Variants in ATRNL1 observed in about 807,000 individuals in gnomAD.
ATRNL1 encodes the protein attractin-like protein 1.
Under a neutral mutation model 182.7 loss-of-function variants are expected in ATRNL1, and 95 were observed. The ratio of observed to expected loss-of-function variants is 0.52; its 90% CI spans 0.44 to 0.62. The LOEUF (loss-of-function observed/expected upper bound fraction) is 0.62. Ranked by LOEUF, ATRNL1 falls within the 20% of genes least tolerant of loss-of-function variation. The pLI is 0.00. For missense variants in ATRNL1, 1,471 were observed against 1,679.5 expected (o/e 0.88, Z 2.17); for synonymous variants, 576 against 568.3 (o/e 1.01, Z -0.19).
chr10:115,630,521 A>C (rs1858415717), intron 26 of ATRNL1, among the ~76,000 whole-genome samples: 2 of 151,768 alleles, frequency 1.3e-5, no homozygotes, highest in Non-Finnish European at 2.9e-5. Flanking sequence ...TATATATTCA[A>C]AGAAATTGAA....
At chr10:115,844,314 G>A (rs989324077) in intron 27 of ATRNL1, among the ~76,000 whole-genome samples, 10 of 152,164 alleles carry the variant, frequency 6.6e-5, no homozygotes, top group African/African-American at 2.4e-4. Flanking sequence ...TCCCTCACTC[G>A]CCATTGGAGA....
At chr10:115,289,284 T>C (rs1254191936) in intron 15 of ATRNL1, among the ~76,000 whole-genome samples, 1 of 152,186 alleles carries the variant, frequency 6.6e-6, no homozygotes, top group Non-Finnish European at 1.5e-5. Flanking sequence ...TAATTCAAGA[T>C]GAGATATGGA....
intron 6 of ATRNL1, among the ~76,000 whole-genome samples, chr10:115,164,798 A>AT (rs1554883996): frequency 6.6e-6 from 1 of 152,182 alleles, no homozygotes. Flanking sequence ...GGAGAGTAGA[A>AT]TGGTGGCTAC....
chr10:115,356,563 G>T (rs557477441), intron 19 of ATRNL1, among the ~76,000 whole-genome samples: 60 of 152,004 alleles, frequency 3.9e-4, no homozygotes, highest in Non-Finnish European at 7.8e-4. Flanking sequence ...CTTCATTATG[G>T]GTTACTGGAA....
At chr10:115,289,905 C>G (rs1592387478) in intron 15 of ATRNL1, among the ~76,000 whole-genome samples, 1 of 152,008 alleles carries the variant, frequency 6.6e-6, no homozygotes, top group South Asian at 2.1e-4. Flanking sequence ...ATTGCTTTTC[C>G]TATTTCTGTG....
chr10:115,554,360 A>C (rs1341075908), intron 26 of ATRNL1, among the ~76,000 whole-genome samples: 2 of 151,658 alleles, frequency 1.3e-5, no homozygotes, highest in Admixed American at 6.6e-5. Context: ...AAATTTTAAC[A>C]TAAATTTACT....
intron 20 of ATRNL1, among the ~76,000 whole-genome samples, chr10:115,423,352 G>T (rs652059): frequency 0.38 from 57,672 of 151,706 alleles, 12,131 homozygotes; most frequent in African/African-American, 0.56. Flanking sequence ...TGGCCAACAC[G>T]GCAAAACCCT....
At chr10:115,728,312 A>G (rs1284275168) in intron 27 of ATRNL1, among the ~76,000 whole-genome samples, 1 of 149,050 alleles carries the variant, frequency 6.7e-6, no homozygotes, top group African/African-American at 2.4e-5. Context: ...AAAAAAAAAA[A>G]AAAAAAAAAA....
At chr10:115,677,346 A>C (rs1555043367) in intron 26 of ATRNL1, among the ~76,000 whole-genome samples, 1 of 152,098 alleles carries the variant, frequency 6.6e-6, no homozygotes, top group East Asian at 1.9e-4. Context: ...GGAACTGTCC[A>C]GAAGTTACTG....
At chr10:115,399,759 G>C (rs781907429) in intron 20 of ATRNL1, among the ~76,000 whole-genome samples, 37 of 151,934 alleles carry the variant, frequency 2.4e-4, no homozygotes, top group Non-Finnish European at 4.1e-4. Context: ...TAGTTATGGT[G>C]TTAGGTTGTT....
At chr10:115,184,326 G>A (rs993032675) in intron 8 of ATRNL1, among the ~76,000 whole-genome samples, 26 of 151,124 alleles carry the variant, frequency 1.7e-4, no homozygotes, top group African/African-American at 2.7e-4. Flanking sequence ...CAAAACAAGC[G>A]TGCACACTAT....
chr10:115,817,036 G>A (rs566472798), intron 27 of ATRNL1, among the ~76,000 whole-genome samples: 1 of 152,088 alleles, frequency 6.6e-6, no homozygotes, highest in Non-Finnish European at 1.5e-5. Context: ...CAACTCTCAG[G>A]CTAGATTGGA....
chr10:115,390,310 C>T (rs1393283643), intron 19 of ATRNL1, among the ~76,000 whole-genome samples: 3 of 152,096 alleles, frequency 2.0e-5, no homozygotes, highest in Non-Finnish European at 4.4e-5. Context: ...TTTTCTTCTA[C>T]AGTTTTGGGA....
intron 24 of ATRNL1, among the ~76,000 whole-genome samples, chr10:115,486,777 A>C (rs1849046738): frequency 1.3e-5 from 2 of 151,892 alleles, no homozygotes; most frequent in Admixed American, 1.3e-4. Flanking sequence ...CTTTTGTTGC[A>C]ATTGCTTTTT....
intron 24 of ATRNL1, among the ~76,000 whole-genome samples, chr10:115,483,950 AG>A (rs1235200735): frequency 6.6e-6 from 1 of 151,640 alleles, no homozygotes; most frequent in Non-Finnish European, 1.5e-5. Context: ...AAGCAGAGAG[AG>A]GGCCACTACT....
chr10:115,199,233 A>T (rs945975181), intron 8 of ATRNL1, among the ~76,000 whole-genome samples: 2 of 151,776 alleles, frequency 1.3e-5, no homozygotes, highest in Non-Finnish European at 2.9e-5. Flanking sequence ...GGTTACATTT[A>T]TTTATTTATT....
At chr10:115,320,221 C>A (rs1854513627) in intron 18 of ATRNL1, among the ~76,000 whole-genome samples, 1 of 152,038 alleles carries the variant, frequency 6.6e-6, no homozygotes, top group South Asian at 2.1e-4. Flanking sequence ...AATATTGGCC[C>A]CTAGTCTCCT....
intron 24 of ATRNL1, among the ~76,000 whole-genome samples, chr10:115,514,018 T>A (rs1394555033): frequency 6.6e-6 from 1 of 151,982 alleles, no homozygotes; most frequent in Non-Finnish European, 1.5e-5. Flanking sequence ...TTTCAGATGG[T>A]ACTTTTTATA....
At chr10:115,411,672 A>G (rs1458879338) in intron 20 of ATRNL1, among the ~76,000 whole-genome samples, 1 of 152,130 alleles carries the variant, frequency 6.6e-6, no homozygotes, top group Non-Finnish European at 1.5e-5. Context: ...CTCAAATATC[A>G]GAAATATTAA....
Sources: gnomAD v4.1 joint callset for allele counts (sites outside exome capture counted in the v4.1 genomes callset) on GRCh38, gnomAD v4.1.1 for gene constraint, MANE v1.5 for transcripts, NCBI Gene and HGNC (gene_info 2026-07-23, HGNC 2026-07-21) for gene names.